The following SCMH1 variants were observed in gnomAD, a reference collection of about 807,000 sequenced individuals.
The protein encoded by SCMH1 is polycomb protein SCMH1.
A neutral mutation model predicts 70.8 loss-of-function variants in SCMH1; 37 were observed. That is an observed-to-expected ratio of 0.52 (90% CI 0.40 to 0.69). SCMH1 has a LOEUF of 0.69. Among genes scored for constraint, SCMH1 ranks in the 30% least tolerant of loss-of-function variants. The pLI is 0.00. For synonymous variants in SCMH1, 292 were observed against 307.4 expected (o/e 0.95, Z 0.52); for missense variants, 607 against 827.3 (o/e 0.73, Z 3.27).
chr1:41,210,994 G>C (rs1260794077), intron 1 of SCMH1, among the ~76,000 whole-genome samples: 3 of 152,156 alleles, frequency 2.0e-5, no homozygotes, highest in Admixed American at 2.0e-4. Flanking sequence ...ATTTTTCATA[G>C]AGACAAGCTT....
intron 8 of SCMH1, among the ~76,000 whole-genome samples, chr1:41,098,453 C>T (rs985542398): frequency 6.6e-6 from 1 of 152,028 alleles, no homozygotes; most frequent in Non-Finnish European, 1.5e-5. Context: ...TTACAACAAC[C>T]CTGTGAGTAG....
intron 12 of SCMH1, among the ~76,000 whole-genome samples, chr1:41,040,770 A>C (rs1325137721): frequency 1.3e-5 from 2 of 152,172 alleles, no homozygotes; most frequent in African/African-American, 4.8e-5. Context: ...AGGCTGAGGT[A>C]GGAGAATCGC....
intron 9 of SCMH1, among the ~76,000 whole-genome samples, chr1:41,071,546 T>C (rs1473603656): frequency 2.0e-5 from 3 of 152,210 alleles, no homozygotes; most frequent in East Asian, 3.8e-4. Context: ...GCATGCAGTA[T>C]AGAATAATAG....
intron 1 of SCMH1, among the ~76,000 whole-genome samples, chr1:41,200,867 T>G (rs1209715778): frequency 1.3e-5 from 2 of 152,068 alleles, no homozygotes; most frequent in Non-Finnish European, 2.9e-5. Context: ...GATAACAAAA[T>G]GAACAGCTGA....
intron 10 of SCMH1, among the ~76,000 whole-genome samples, chr1:41,066,338 T>C (rs184130368): frequency 6.6e-6 from 1 of 152,302 alleles, no homozygotes; most frequent in Non-Finnish European, 1.5e-5. Context: ...TGTGGGCTGC[T>C]AGAAGTCTCT....
intron 10 of SCMH1, among the ~76,000 whole-genome samples, chr1:41,064,287 A>C (rs1285672148): frequency 1.3e-5 from 2 of 152,240 alleles, no homozygotes; most frequent in Admixed American, 6.5e-5. Flanking sequence ...AGCTAACATC[A>C]TACTTAATGG....
chr1:41,050,014 C>T (rs939932092), intron 10 of SCMH1, among the ~76,000 whole-genome samples: 1 of 151,854 alleles, frequency 6.6e-6, no homozygotes, highest in Non-Finnish European at 1.5e-5. Flanking sequence ...TGTAATCGCG[C>T]CACTGCACTC....
intron 8 of SCMH1, among the ~76,000 whole-genome samples, chr1:41,084,358 C>CA (rs1463494145): frequency 6.6e-6 from 1 of 152,068 alleles, no homozygotes; most frequent in Non-Finnish European, 1.5e-5. Flanking sequence ...TTTATGCAGC[C>CA]AAAAAATACA....
intron 12 of SCMH1, among the ~76,000 whole-genome samples, chr1:41,041,821 C>T (rs1046036560): frequency 1.3e-5 from 2 of 152,198 alleles, no homozygotes; most frequent in Non-Finnish European, 2.9e-5. Flanking sequence ...CAATGAACCA[C>T]TTCCTCTAAC....
chr1:41,101,961 A>G (rs1163888438), intron 8 of SCMH1, among the ~76,000 whole-genome samples: 1 of 152,220 alleles, frequency 6.6e-6, no homozygotes, highest in East Asian at 1.9e-4. Flanking sequence ...CCTGAATAAA[A>G]GAGAGAAGAT....
At chr1:41,184,321 A>G (rs140161125) in intron 2 of SCMH1, among the ~76,000 whole-genome samples, 1,904 of 152,306 alleles carry the variant, frequency 0.013, 17 homozygotes, top group Non-Finnish European at 0.016. Flanking sequence ...GGGCTCAATA[A>G]GTTAAACTAT....
At chr1:41,182,090 A>T (rs1648951283) in intron 2 of SCMH1, among the ~76,000 whole-genome samples, 1 of 152,192 alleles carries the variant, frequency 6.6e-6, no homozygotes, top group Admixed American at 6.5e-5. Flanking sequence ...TCAACAAACT[A>T]TCGCAAGGAC....
chr1:41,167,224 T>C (rs1646467317), intron 2 of SCMH1, among the ~76,000 whole-genome samples: 1 of 152,078 alleles, frequency 6.6e-6, no homozygotes, highest in Non-Finnish European at 1.5e-5. Context: ...CGGAATATGG[T>C]TTCTTAGTAT....
At chr1:41,207,872 T>A (rs1263879222) in intron 1 of SCMH1, among the ~76,000 whole-genome samples, 18 of 150,688 alleles carry the variant, frequency 1.2e-4, no homozygotes, top group Non-Finnish European at 2.1e-4. Flanking sequence ...GTGTGGCGAT[T>A]CCTCAGGGAT....
chr1:41,097,241 T>C (rs1311773236), intron 8 of SCMH1, among the ~76,000 whole-genome samples: 1 of 152,184 alleles, frequency 6.6e-6, no homozygotes, highest in Non-Finnish European at 1.5e-5. Context: ...CAGACTTAGC[T>C]TTCTGGTTGT....
At chr1:41,102,049 T>G (rs1188928146) in intron 8 of SCMH1, among the ~76,000 whole-genome samples, 6 of 152,234 alleles carry the variant, frequency 3.9e-5, no homozygotes, top group Non-Finnish European at 8.8e-5. Flanking sequence ...TAAATAATCC[T>G]TAGGAGTCTT....
intron 13 of SCMH1, 96 bp from the exon 15 acceptor site, chr1:41,028,822 G>A: frequency 1.5e-6 from 2 of 1,344,788 alleles, no homozygotes. Flanking sequence ...TCTAGGTGAT[G>A]CTCACAGTAG....
chr1:41,153,227 T>A (rs1645226593), intron 4 of SCMH1, among the ~76,000 whole-genome samples: 1 of 152,270 alleles, frequency 6.6e-6, no homozygotes, highest in Non-Finnish European at 1.5e-5. Context: ...TAAAACTTTC[T>A]GTGCTGACTA....
At chr1:41,178,530 A>AT (rs761089328) in intron 2 of SCMH1, among the ~76,000 whole-genome samples, 1 of 152,218 alleles carries the variant, frequency 6.6e-6, no homozygotes, top group Non-Finnish European at 1.5e-5. Context: ...AAATAAAGGG[A>AT]TGGAGGAAGA....
Sources: allele counts gnomAD v4.1 joint callset (sites outside exome capture counted in the v4.1 genomes callset), GRCh38; gene constraint gnomAD v4.1.1; transcripts MANE v1.5; gene names NCBI Gene and HGNC (gene_info 2026-07-23, HGNC 2026-07-21).